The following APOC4 variants were observed in gnomAD, a reference collection of about 807,000 sequenced individuals.
APOC4 encodes the protein apolipoprotein C4.
APOC4 carries 10 observed loss-of-function variants against 8.4 expected under a neutral mutation model. The ratio of observed to expected loss-of-function variants is 1.19; its 90% CI spans 0.74 to 2.03. APOC4 has a LOEUF of 2.03. APOC4 is among the 30% of genes most tolerant of loss of function. The pLI, the probability that APOC4 is intolerant of heterozygous loss-of-function variation, is 0.00. For synonymous variants in APOC4, 59 were observed against 65.8 expected (o/e 0.90, Z 0.50); for missense variants, 160 against 156.1 (o/e 1.02, Z -0.13).
intron 1 of APOC4, among the ~76,000 whole-genome samples, chr19:44,943,828 G>C (rs5154): frequency 1.2e-4 from 18 of 152,352 alleles, no homozygotes; most frequent in African/African-American, 3.6e-4. Flanking sequence ...CCCTGAGGTA[G>C]ATATTATTAC....
chr19:44,944,055 C>T (rs1233379953), intron 1 of APOC4, among the ~76,000 whole-genome samples: 1 of 152,174 alleles, frequency 6.6e-6, no homozygotes, highest in African/African-American at 2.4e-5. Context: ...CCTGCTCTCC[C>T]TCCACTGTCC....
At chr19:44,944,976 G>T in intron 2 of APOC4, 86 bp downstream of exon 2, 1 of 1,531,530 alleles carries the variant, frequency 6.5e-7, no homozygotes, top group South Asian at 1.2e-5. Flanking sequence ...GAGTCTCAGG[G>T]AGGAGGAAAG....
chr19:44,942,377 T>A, intron 1 of APOC4, 24 bp downstream of exon 1: 1 of 1,609,834 alleles, frequency 6.2e-7, no homozygotes. Flanking sequence ...GGTGGAGGGA[T>A]GTGGGGCCCA....
At chr19:44,945,019 G>T in intron 2 of APOC4, 121 bp from the exon 3 acceptor site, 2 of 1,524,684 alleles carry the variant, frequency 1.3e-6, no homozygotes, top group Non-Finnish European at 1.8e-6. Context: ...CTAGGTCTGG[G>T]AGGAGTGGAG....
chr19:44,944,075 G>A (rs1970289281), intron 1 of APOC4, among the ~76,000 whole-genome samples: 1 of 152,188 alleles, frequency 6.6e-6, no homozygotes, highest in Non-Finnish European at 1.5e-5. Context: ...CACAGAGGTA[G>A]CTCAGACAGG....
At chr19:44,942,488 CGTGTCGGGGAGTGTGT>C in intron 1 of APOC4, 135 bp downstream of exon 1, 1 of 720,258 alleles carries the variant, frequency 1.4e-6, no homozygotes, top group Non-Finnish European at 2.2e-6. Flanking sequence ...TATGCATGTG[CGTGTCGGGGAGTGTGT>C]GTGTCGGTGG....
At position 44,945,238 on chromosome 19, in the gene APOC4, A is replaced by G; in HGVS notation, c.317A>G (p.Asp106Gly). 1 of 1,613,990 alleles carries G rather than the reference A, an allele frequency of 6.2e-7. No individual in the cohort carries two copies. The change falls in exon 3 of 3, where the codon GAC becomes GGC. Residue 106 changes from aspartate (D) to glycine (G), a missense_variant. Transcript: ENST00000592954. ...AAGGCCTGGTTCCTCGAATCCAAAG[A>G]CAGCCTCTTGAAGAAGACCCACAGC... Reference protein sequence around the residue: ...LTKAWFLESKDSLLKKTHSLC... With the variant: ...LTKAWFLESKGSLLKKTHSLC...
Position 44,944,831 on chromosome 19 carries a change from G to A in APOC4, c.159G>A (p.Arg53=), listed in dbSNP as rs2122202136. ...KMSRWSLVRG[R]MKELLETVVN... ...GTCGCTGGAGCCTGGTGAGGGGCAG[G>A]ATGAAGGAGCTGCTGGAGACAGTGG... The change falls in exon 2 of 3, where the codon AGG becomes AGA. Residue 53 remains arginine, a synonymous_variant. Transcript: ENST00000592954. 1 of 1,609,040 alleles carries A rather than the reference G, an allele frequency of 6.2e-7. No homozygotes were observed. The highest frequency in any genetic ancestry group is 8.5e-7 in the Non-Finnish European group (1 of 1,178,338).
intron 1 of APOC4, 101 bp downstream of exon 1, chr19:44,942,454 AGT>A (rs559514656): frequency 8.5e-7 from 1 of 1,170,826 alleles, no homozygotes; most frequent in Non-Finnish European, 1.2e-6. Flanking sequence ...ATGAGTACGG[AGT>A]GTGTGCGTTT....
rs961092017 is a variant in APOC4 at position 44,944,731 on chromosome 19, C to A, written c.77-18C>A. On this transcript the variant is annotated intron_variant, in intron 1 of 2. Coordinates refer to ENST00000592954, the MANE Select transcript of APOC4 (RefSeq NM_001646.3). ...CTAGGGTCCCAGCCTACCCAAGTTG[C>A]CCTCTGGTTCCACCTAGCATGCCAG... 2 of 1,604,048 alleles carry A rather than the reference C, an allele frequency of 1.2e-6. No individual in the cohort carries two copies. Among genetic ancestry groups the A allele is most frequent in the Admixed American group, 3.4e-5 (2 of 58,604 alleles).
intron 1 of APOC4, among the ~76,000 whole-genome samples, chr19:44,943,819 C>G (rs1221630894): frequency 6.6e-6 from 1 of 152,168 alleles, no homozygotes; most frequent in Non-Finnish European, 1.5e-5. Flanking sequence ...TCACGATAAC[C>G]CTGAGGTAGA....
intron 1 of APOC4, among the ~76,000 whole-genome samples, chr19:44,943,839 C>G (rs922445944): frequency 1.3e-5 from 2 of 152,130 alleles, no homozygotes; most frequent in African/African-American, 2.4e-5. Context: ...ATATTATTAC[C>G]CCGTTCTACA....
At chr19:44,944,105 G>T (rs1307809481) in intron 1 of APOC4, among the ~76,000 whole-genome samples, 1 of 152,172 alleles carries the variant, frequency 6.6e-6, no homozygotes, top group Non-Finnish European at 1.5e-5. Flanking sequence ...ACAGGAGAAC[G>T]AAGGGAGAAG....
Position 44,942,356 on chromosome 19 carries a change from G to A in APOC4, c.76+3G>A, listed in dbSNP as rs1970267981. On this transcript the variant is annotated splice_donor_region_variant and intron_variant, in intron 1 of 2. Coordinates refer to ENST00000592954, the MANE Select transcript of APOC4 (RefSeq NM_001646.3). ...GCTGGTCCTGGCCTGCATTGGGGGTGAGAAGAAGTGGGTGGAGGGATGTGG... is the reference window on the plus strand; with the variant it reads ...GCTGGTCCTGGCCTGCATTGGGGGTAAGAAGAAGTGGGTGGAGGGATGTGG... The A allele has an allele frequency of 6.2e-7, 1 of 1,613,276 alleles. No homozygotes were observed. The highest frequency in any genetic ancestry group is 2.2e-5 in the East Asian group (1 of 44,848).
Position 44,945,401 on chromosome 19 carries a change from G to C in APOC4, c.*96G>C. The C allele has an allele frequency of 8.4e-6, 11 of 1,304,408 alleles. No homozygotes were observed. Among genetic ancestry groups the C allele is most frequent in the East Asian group, 2.4e-5 (1 of 42,376 alleles). The allele number at this position is 1,304,408 out of a possible 1,614,324, so 80.8% of individuals were successfully genotyped here. On this transcript the variant is annotated 3_prime_UTR_variant, in exon 3 of 3. Coordinates refer to ENST00000592954, the MANE Select transcript of APOC4 (RefSeq NM_001646.3). ...GATGATGGCTTGAGCCCAGGAGTTCGAGACCAGCCTGGGCAACACAGCGAG... is the reference window on the plus strand; with the variant it reads ...GATGATGGCTTGAGCCCAGGAGTTCCAGACCAGCCTGGGCAACACAGCGAG...
rs1354732493 is a variant in APOC4, at chr19:44,943,712, G to A, written c.77-1037G>A. Reference sequence around the variant, plus strand: ...ACTGCATTCCAACCTGGGTGACAGAGCGAGACTCCGTCTGAAAAAAAAAAA... The same window carrying A: ...ACTGCATTCCAACCTGGGTGACAGAACGAGACTCCGTCTGAAAAAAAAAAA... On this transcript the variant is annotated intron_variant, in intron 1 of 2. Coordinates refer to ENST00000592954, the MANE Select transcript of APOC4 (RefSeq NM_001646.3). Among the ~76,000 whole-genome samples the A allele has an allele frequency of 3.3e-5, 5 of 151,832 alleles. No homozygotes were observed. The East Asian group carries it at 9.7e-4, about 30-fold the overall frequency.
In APOC4 at chr19:44,944,826, G is replaced by C; in HGVS notation, c.154G>C (p.Gly52Arg). The change falls in exon 2 of 3, where the codon GGC becomes CGC. Residue 52 changes from glycine (G) to arginine (R), a missense_variant. By Grantham distance (125) the Gly-to-Arg change is moderately radical (BLOSUM62 -2). Transcript: ENST00000592954. ...GATGAGTCGCTGGAGCCTGGTGAGG[G>C]GCAGGATGAAGGAGCTGCTGGAGAC... ...LKMSRWSLVR[G>R]RMKELLETVV... 1 of 1,609,346 alleles carries C rather than the reference G, an allele frequency of 6.2e-7. No homozygotes were observed. Among genetic ancestry groups the C allele is most frequent in the Non-Finnish European group, 8.5e-7 (1 of 1,178,406 alleles).
chr19:44,942,438 T>G, intron 1 of APOC4, 85 bp downstream of exon 1: 5 of 1,327,642 alleles, frequency 3.8e-6, no homozygotes, highest in African/African-American at 1.4e-5. Context: ...TGTAGCCACG[T>G]GAGACATGAG....
At position 44,945,178 on chromosome 19, in the gene APOC4, A is replaced by G; in HGVS notation, c.257A>G (p.Tyr86Cys). The change falls in exon 3 of 3, where the codon TAT (tyrosine) becomes TGT (cysteine). Residue 86 changes from tyrosine (Y) to cysteine (C), a missense_variant. Transcript: ENST00000592954. ...STFRGFMQTY[Y>C]DDHLRDLGPL... ...TTCCGGGGCTTCATGCAGACCTACT[A>G]TGACGACCACCTGAGGGACCTGGGT... The G allele has an allele frequency of 4.3e-6, 7 of 1,614,056 alleles. No individual in the cohort carries two copies. The highest frequency in any genetic ancestry group is 4.2e-6 in the Non-Finnish European group (5 of 1,180,004).
Sources: allele counts gnomAD v4.1 joint callset (sites outside exome capture counted in the v4.1 genomes callset), GRCh38; gene constraint gnomAD v4.1.1; transcripts MANE v1.5; gene names NCBI Gene and HGNC (gene_info 2026-07-23, HGNC 2026-07-21).